Variants in PALM2AKAP2 observed in about 807,000 individuals in gnomAD.
The protein encoded by PALM2AKAP2 is PALM2-AKAP2 fusion protein.
Under a neutral mutation model 71.5 loss-of-function variants are expected in PALM2AKAP2, and 37 were observed. The observed-to-expected ratio is 0.52, with a 90% CI of 0.40 to 0.68. The LOEUF is 0.68. Among genes scored for constraint, PALM2AKAP2 ranks in the 30% least tolerant of loss-of-function variants. The pLI is 0.00. For synonymous variants in PALM2AKAP2, 468 were observed against 478.8 expected, an observed-to-expected ratio of 0.98 and a Z score of 0.29; for missense variants, 1,224 against 1,191.8, an observed-to-expected ratio of 1.03 and a Z score of -0.40.
chr9:109,753,165 C>T (rs976825542), intron 1 of PALM2AKAP2, among the ~76,000 whole-genome samples: 1 of 152,072 alleles, frequency 6.6e-6, no homozygotes, highest in Non-Finnish European at 1.5e-5. Context: ...TTCATTTTAC[C>T]ATACTCCATT....
At chr9:109,965,458 T>C (rs1036429898) in intron 6 of PALM2AKAP2, among the ~76,000 whole-genome samples, 1 of 152,192 alleles carries the variant, frequency 6.6e-6, no homozygotes. Flanking sequence ...CCATGAAACA[T>C]AGTGCTAAGT....
intron 1 of PALM2AKAP2, among the ~76,000 whole-genome samples, chr9:109,831,794 A>T (rs923432122): frequency 1.3e-5 from 2 of 152,192 alleles, no homozygotes; most frequent in Non-Finnish European, 2.9e-5. Flanking sequence ...GTCAGTATGG[A>T]ACTCTATCTT....
At chr9:109,813,753 G>C (rs1827782980) in intron 1 of PALM2AKAP2, among the ~76,000 whole-genome samples, 1 of 152,174 alleles carries the variant, frequency 6.6e-6, no homozygotes, top group Non-Finnish European at 1.5e-5. Context: ...GAAGAACTAA[G>C]AGCCTAACTC....
At chr9:109,655,866 T>G (rs1436319355) in intron 1 of PALM2AKAP2, among the ~76,000 whole-genome samples, 1 of 152,244 alleles carries the variant, frequency 6.6e-6, no homozygotes. Context: ...TTCCCCCTTT[T>G]GGGTATCATG....
intron 1 of PALM2AKAP2, among the ~76,000 whole-genome samples, chr9:109,692,623 G>T (rs1287224681): frequency 6.6e-6 from 1 of 151,824 alleles, no homozygotes; most frequent in Non-Finnish European, 1.5e-5. Context: ...CTCTTAGTTT[G>T]CTGAGAGTTA....
chr9:109,705,863 G>A (rs1421447414), intron 1 of PALM2AKAP2, among the ~76,000 whole-genome samples: 1 of 152,112 alleles, frequency 6.6e-6, no homozygotes, highest in African/African-American at 2.4e-5. Context: ...GATAATAAAA[G>A]TTTCTTACTC....
intron 6 of PALM2AKAP2, among the ~76,000 whole-genome samples, chr9:109,965,888 C>T (rs1050239275): frequency 3.3e-5 from 5 of 152,052 alleles, no homozygotes; most frequent in East Asian, 1.9e-4. Context: ...AAGTAGTCAA[C>T]GAAGGATTTG....
At chr9:109,696,016 T>G (rs1372268339) in intron 1 of PALM2AKAP2, among the ~76,000 whole-genome samples, 4 of 152,166 alleles carry the variant, frequency 2.6e-5, no homozygotes, top group Non-Finnish European at 5.9e-5. Context: ...AAGAGAAGAA[T>G]TGGAATGTTT....
chr9:110,100,339 C>T lies in PALM2AKAP2; in HGVS notation c.157-35788C>T, dbSNP rs183161508. On this transcript the variant is annotated intron_variant, in intron 1 of 3. Transcript: ENST00000374525. ...CTTCTAGAAGGAAGCTGATATCTGT[C>T]TACATGTTTCAGCGTTTGTCTCTGA... is the stretch of plus-strand genomic sequence containing the variant. 2.2e-3 allele frequency among the ~76,000 whole-genome samples: 332 copies of T among 152,210 alleles called. 1 individual carries two copies. The highest frequency in any genetic ancestry group is 7.8e-3 in the African/African-American group (322 of 41,532).
chr9:109,757,400 G>T (rs1473661700), intron 1 of PALM2AKAP2, among the ~76,000 whole-genome samples: 1 of 152,098 alleles, frequency 6.6e-6, no homozygotes, highest in African/African-American at 2.4e-5. Context: ...AGCCTTTGAT[G>T]CCTGGTGCCC....
intron 6 of PALM2AKAP2, among the ~76,000 whole-genome samples, chr9:109,969,554 C>CGTCATGCA (rs1231546564): frequency 6.6e-6 from 1 of 152,256 alleles, no homozygotes; most frequent in Non-Finnish European, 1.5e-5. Flanking sequence ...CTCTCCCACC[C>CGTCATGCA]AAGGTCATGC....
chr9:110,031,066 G>A (rs754441654), intron 7 of PALM2AKAP2, among the ~76,000 whole-genome samples: 2 of 152,148 alleles, frequency 1.3e-5, no homozygotes, highest in Non-Finnish European at 2.9e-5. Context: ...AGAGGGTAGG[G>A]TATTGGATTT....
At chr9:109,771,649 G>A (rs1829265439) in intron 1 of PALM2AKAP2, among the ~76,000 whole-genome samples, 1 of 152,144 alleles carries the variant, frequency 6.6e-6, no homozygotes, top group African/African-American at 2.4e-5. Flanking sequence ...TCTGATCGCA[G>A]GAAAAGCTAT....
chr9:110,089,421 A>G (rs1834655006), intron 1 of PALM2AKAP2, among the ~76,000 whole-genome samples: 1 of 152,196 alleles, frequency 6.6e-6, no homozygotes, highest in African/African-American at 2.4e-5. Context: ...TGAGATGGAG[A>G]TAAGTACTAG....
intron 1 of PALM2AKAP2, among the ~76,000 whole-genome samples, chr9:109,825,310 C>G (rs1019413929): frequency 2.0e-5 from 3 of 152,184 alleles, no homozygotes; most frequent in Non-Finnish European, 4.4e-5. Flanking sequence ...TGGGCAAGGA[C>G]TTCATGTCTA....
chr9:109,825,747 C>A (rs1320873140), intron 1 of PALM2AKAP2, among the ~76,000 whole-genome samples: 1 of 152,170 alleles, frequency 6.6e-6, no homozygotes, highest in African/African-American at 2.4e-5. Flanking sequence ...GAAATAGGAA[C>A]ACTTTTACAC....
rs143739289 is a variant in PALM2AKAP2 at position 109,969,849 on chromosome 9, C to T, written c.496+37821C>T. Among the ~76,000 whole-genome samples the T allele has an allele frequency of 8.8e-3, 1,342 of 152,114 alleles. 6 individuals carry two copies. The highest frequency in any genetic ancestry group is 0.015 in the Non-Finnish European group (1,015 of 67,976). ...CTACTGCTTCTGGGAGAAAGTGCAC[C>T]CCTCCCCGAACCCCACCAGGATGCC... is the stretch of plus-strand genomic sequence containing the variant. On this transcript the variant is annotated intron_variant, in intron 6 of 9. Coordinates refer to the PALM2AKAP2 transcript ENST00000302798.
At chr9:110,091,549 A>G (rs1373876419) in intron 1 of PALM2AKAP2, among the ~76,000 whole-genome samples, 1 of 128,980 alleles carries the variant, frequency 7.8e-6, no homozygotes, top group Admixed American at 9.5e-5. Context: ...TGCAATCTCT[A>G]CCTCCCGGGT....
intron 3 of PALM2AKAP2, among the ~76,000 whole-genome samples, chr9:110,157,999 G>C (rs968585490): frequency 6.6e-6 from 1 of 152,204 alleles, no homozygotes; most frequent in African/African-American, 2.4e-5. Flanking sequence ...TGGCTCAGCT[G>C]CTGTATTAGG....
Sources: allele counts gnomAD v4.1 joint callset (sites outside exome capture counted in the v4.1 genomes callset), GRCh38; gene constraint gnomAD v4.1.1; transcripts MANE v1.5; gene names NCBI Gene and HGNC (gene_info 2026-07-23, HGNC 2026-07-21).